Variants in PLCB1 observed in about 807,000 individuals in gnomAD.
The protein encoded by PLCB1 is phospholipase C beta 1.
Under a neutral mutation model 161.8 loss-of-function variants are expected in PLCB1, and 46 were observed. The ratio of observed to expected loss-of-function variants is 0.28; its 90% CI spans 0.22 to 0.36. The LOEUF is 0.36. PLCB1 is among the 10% of genes least tolerant of loss of function. The pLI is 1.00. For synonymous variants in PLCB1, 517 were observed against 503.7 expected (o/e 1.03, Z -0.35); for missense variants, 1,016 against 1,472.5 (o/e 0.69, Z 5.07).
intron 2 of PLCB1, among the ~76,000 whole-genome samples, chr20:8,201,256 C>T (rs983455337): frequency 6.6e-6 from 1 of 151,980 alleles, no homozygotes; most frequent in East Asian, 1.9e-4. Context: ...TAAAAAAGGA[C>T]CCCCCTCCAG....
At chr20:8,767,907 G>T (rs919665489) in intron 26 of PLCB1, among the ~76,000 whole-genome samples, 8 of 152,100 alleles carry the variant, frequency 5.3e-5, no homozygotes, top group Non-Finnish European at 1.2e-4. Flanking sequence ...GTGTTGGCTG[G>T]GCGCAATGGC....
intron 2 of PLCB1, among the ~76,000 whole-genome samples, chr20:8,188,841 CTT>C (rs1434879634): frequency 6.6e-6 from 1 of 152,034 alleles, no homozygotes; most frequent in African/African-American, 2.4e-5. Context: ...AGAAGTTAAA[CTT>C]AGAATTCTTA....
rs898057793 is a variant in PLCB1 at position 8,397,315 on chromosome 20, T to G, written c.246+25865T>G. The stretch of plus-strand genomic sequence containing the variant: ...TATACTCCAAGATTATTAAAATTAT[T>G]TTCTATAGAGTTATATTATTAATTT... On this transcript the variant is annotated intron_variant, in intron 3 of 31. Coordinates refer to ENST00000338037, the MANE Select transcript of PLCB1 (RefSeq NM_015192.4). 3.3e-5 allele frequency among the ~76,000 whole-genome samples: 5 copies of G among 152,266 alleles called. No individual in the cohort carries two copies. In the South Asian group the frequency reaches 6.2e-4, roughly 19 times the overall value.
At chr20:8,751,854 C>T (rs770027322) in intron 23 of PLCB1, 1 of 152,076 alleles carries the variant, frequency 6.6e-6, no homozygotes, top group Non-Finnish European at 1.5e-5. Flanking sequence ...TTTCCAGTAC[C>T]AGATTTTTAT....
rs547910240 is a variant in PLCB1, at chr20:8,709,764, A to G, written c.1250+1012A>G. On this transcript the variant is annotated intron_variant, in intron 12 of 31. Coordinates refer to ENST00000338037, the MANE Select transcript of PLCB1 (RefSeq NM_015192.4). ...AGTTTGCCCGCCAGAAATCCATATT[A>G]TATTTACCGGCTTGTGGTTCTGCTT... Among the ~76,000 whole-genome samples, 19 of 152,340 alleles carry G rather than the reference A, an allele frequency of 1.2e-4. No individual in the cohort carries two copies. In the South Asian group the frequency reaches 2.7e-3, roughly 22 times the overall value.
chr20:8,632,099 A>G (rs1568537547), intron 4 of PLCB1, among the ~76,000 whole-genome samples: 1 of 128,762 alleles, frequency 7.8e-6, no homozygotes, highest in African/African-American at 2.8e-5. Flanking sequence ...TTTGTTGCAA[A>G]TAAAATATGT....
Position 8,850,538 on chromosome 20 carries a change from C to A in PLCB1, c.3424-31084C>A, listed in dbSNP as rs187293451. Among the ~76,000 whole-genome samples, 575 of 152,318 alleles carry A rather than the reference C, an allele frequency of 3.8e-3. 6 individuals carry two copies. Among genetic ancestry groups the A allele is most frequent in the African/African-American group, 0.013 (551 of 41,566 alleles). On this transcript the variant is annotated intron_variant, in intron 31 of 31. Transcript: ENST00000338037. ...TATGGTTTGAATATATGTGTCCCTT[C>A]AAAATTCATGCTGAAATTTAATCCC...
At chr20:8,524,742 G>A (rs1377880763) in intron 3 of PLCB1, among the ~76,000 whole-genome samples, 1 of 152,148 alleles carries the variant, frequency 6.6e-6, no homozygotes, top group Non-Finnish European at 1.5e-5. Flanking sequence ...AGCCAGAGTT[G>A]TTTTGTTTGT....
intron 11 of PLCB1, among the ~76,000 whole-genome samples, chr20:8,699,563 C>T (rs1239544406): frequency 6.6e-6 from 1 of 152,082 alleles, no homozygotes; most frequent in East Asian, 1.9e-4. Context: ...ATCCCAAACC[C>T]CAGCTTCTTA....
At chr20:8,807,325 A>C (rs1458575765) in intron 31 of PLCB1, among the ~76,000 whole-genome samples, 2 of 152,152 alleles carry the variant, frequency 1.3e-5, no homozygotes, top group Non-Finnish European at 2.9e-5. Context: ...AATAAATTAG[A>C]ATCGATATTG....
At position 8,510,860 on chromosome 20, in the gene PLCB1, T is replaced by G. The variant is rs555857630; in HGVS notation, c.247-117434T>G. On this transcript the variant is annotated intron_variant, in intron 3 of 31. Transcript: ENST00000338037. ...ACAATAATTTCATTTTTTGCAATTT[T>G]TATTTATAATTGGCAAATAATGATT... Among the ~76,000 whole-genome samples, 4 of 152,278 alleles carry G rather than the reference T, an allele frequency of 2.6e-5. No individual in the cohort carries two copies. The South Asian group carries it at 6.2e-4, about 24-fold the overall frequency.
At chr20:8,427,569 G>C (rs537396270) in intron 3 of PLCB1, among the ~76,000 whole-genome samples, 1 of 152,298 alleles carries the variant, frequency 6.6e-6, no homozygotes, top group South Asian at 2.1e-4. Context: ...TTGCAGCAGA[G>C]AAAGAGTTTA....
At chr20:8,642,526 A>C (rs533812916) in intron 4 of PLCB1, among the ~76,000 whole-genome samples, 1 of 152,272 alleles carries the variant, frequency 6.6e-6, no homozygotes, top group African/African-American at 2.4e-5. Flanking sequence ...CCCCCTTATG[A>C]GTAGAGGTAA....
chr20:8,529,561 AG>A (rs1447739471), intron 3 of PLCB1, among the ~76,000 whole-genome samples: 1 of 152,046 alleles, frequency 6.6e-6, no homozygotes, highest in Non-Finnish European at 1.5e-5. Context: ...GTCTCTTAAA[AG>A]GGTTTGAAGG....
intron 3 of PLCB1, among the ~76,000 whole-genome samples, chr20:8,413,571 T>A (rs1477612545): frequency 6.6e-6 from 1 of 152,198 alleles, no homozygotes; most frequent in Non-Finnish European, 1.5e-5. Context: ...GATCTTGAAG[T>A]GGACTCAATC....
At chr20:8,582,014 G>C (rs1986848883) in intron 3 of PLCB1, among the ~76,000 whole-genome samples, 1 of 152,136 alleles carries the variant, frequency 6.6e-6, no homozygotes, top group Non-Finnish European at 1.5e-5. Context: ...TGGCCATGGT[G>C]GGAGAATTGA....
At chr20:8,237,896 T>C (rs2123197299) in intron 2 of PLCB1, among the ~76,000 whole-genome samples, 1 of 152,266 alleles carries the variant, frequency 6.6e-6, no homozygotes, top group African/African-American at 2.4e-5. Context: ...TCCTGCCAAC[T>C]TCTTATAAAA....
chr20:8,677,984 A>G (rs116183843), intron 9 of PLCB1, among the ~76,000 whole-genome samples: 4 of 152,180 alleles, frequency 2.6e-5, no homozygotes, highest in Admixed American at 1.3e-4. Flanking sequence ...AAATTAATCA[A>G]TCTAGATTGG....
chr20:8,350,082 T>TAAG (rs1986134752), intron 2 of PLCB1, among the ~76,000 whole-genome samples: 1 of 152,216 alleles, frequency 6.6e-6, no homozygotes, highest in African/African-American at 2.4e-5. Flanking sequence ...TGAAATTTCT[T>TAAG]TTCTTCAACT....
Sources: allele counts gnomAD v4.1 joint callset (sites outside exome capture counted in the v4.1 genomes callset), GRCh38; gene constraint gnomAD v4.1.1; transcripts MANE v1.5; gene names NCBI Gene and HGNC (gene_info 2026-07-23, HGNC 2026-07-21).